SGIP1: variants seen among roughly 807,000 people sequenced by gnomAD.
The protein encoded by SGIP1 is SH3GL interacting endocytic adaptor 1, also known as SH3-containing GRB2-like protein 3-interacting protein 1.
Under a neutral mutation model 107.5 loss-of-function variants are expected in SGIP1, and 38 were observed. The observed-to-expected ratio is 0.35, with a 90% CI of 0.27 to 0.46. SGIP1 has a LOEUF of 0.46. Among genes scored for constraint, SGIP1 ranks in the 20% least tolerant of loss-of-function variants. The probability of loss-of-function intolerance (pLI) is 1.00; values close to 1 mark genes in which losing one functional copy is unlikely to be tolerated. For synonymous variants in SGIP1, 365 were observed against 366.1 expected, an observed-to-expected ratio of 1.00 and a Z score of 0.03; for missense variants, 929 against 1,019.5, an observed-to-expected ratio of 0.91 and a Z score of 1.21.
chr1:66,565,123 T>C (rs2059468701), intron 1 of SGIP1, among the ~76,000 whole-genome samples: 1 of 151,996 alleles, frequency 6.6e-6, no homozygotes, highest in African/African-American at 2.4e-5. Context: ...ATTCCCCCAG[T>C]AAATTTCTAC....
At position 66,679,665 on chromosome 1, in the gene SGIP1, C is replaced by T. The variant is rs1466749040; in HGVS notation, c.740-13C>T. On this transcript the variant is annotated splice_polypyrimidine_tract_variant and intron_variant, in intron 13 of 24. Transcript: ENST00000371037. Reference sequence around the variant, plus strand: ...ACATGACCAATGATACTTAATTTCTCATCTTTTTGCAGCACCTCCACCACT... The same window carrying T: ...ACATGACCAATGATACTTAATTTCTTATCTTTTTGCAGCACCTCCACCACT... The T allele has an allele frequency of 5.0e-6, 8 of 1,601,690 alleles. No individual in the cohort carries two copies. Among genetic ancestry groups the T allele is most frequent in the South Asian group, 2.3e-5 (2 of 88,674 alleles).
intron 1 of SGIP1, among the ~76,000 whole-genome samples, chr1:66,621,162 G>C (rs2070995322): frequency 6.6e-6 from 1 of 152,174 alleles, no homozygotes; most frequent in Admixed American, 6.6e-5. Flanking sequence ...ATACATGAGT[G>C]AGAAAAGCTG....
At chr1:66,554,397 A>G (rs1376960246) in intron 1 of SGIP1, among the ~76,000 whole-genome samples, 1 of 152,156 alleles carries the variant, frequency 6.6e-6, no homozygotes, top group Non-Finnish European at 1.5e-5. Flanking sequence ...GAGTCTGCCT[A>G]TATGTTATCC....
intron 18 of SGIP1, among the ~76,000 whole-genome samples, chr1:66,716,349 A>C (rs2093241872): frequency 6.6e-6 from 1 of 152,184 alleles, no homozygotes. Context: ...TTTTATTCAC[A>C]AGACTATCAT....
intron 2 of SGIP1, among the ~76,000 whole-genome samples, chr1:66,628,930 G>A (rs891918096): frequency 3.9e-5 from 6 of 152,168 alleles, no homozygotes; most frequent in Non-Finnish European, 7.4e-5. Flanking sequence ...GATGGTCAAA[G>A]GACAAGCTGT....
rs1042625880 is a variant in SGIP1, at chr1:66,745,285, A to C, written c.*2190A>C. 6.6e-6 allele frequency: 1 copy of C among 152,160 alleles called. No homozygotes were observed. Among genetic ancestry groups the C allele is most frequent in the South Asian group, 2.1e-4 (1 of 4,826 alleles). 9.4% of individuals were successfully genotyped at this position (152,160 alleles called of 1,614,324 possible). A position where few individuals can be genotyped will look rare whatever the true frequency, so the allele number is the denominator to read the frequency against. ...GGGATTAAATTAGAAACTATGAAGA[A>C]ATCCTATAATCTCTTAACTGGTCTT... On this transcript the variant is annotated 3_prime_UTR_variant, in exon 25 of 25. Transcript: ENST00000371037.
At chr1:66,623,935 C>T (rs2071921111) in intron 1 of SGIP1, among the ~76,000 whole-genome samples, 1 of 152,204 alleles carries the variant, frequency 6.6e-6, no homozygotes, top group Admixed American at 6.5e-5. Flanking sequence ...ATTGTCCAAA[C>T]TTGGTGGTCA....
intron 1 of SGIP1, among the ~76,000 whole-genome samples, chr1:66,574,924 T>C (rs760821776): frequency 1.5e-4 from 23 of 152,216 alleles, no homozygotes; most frequent in Non-Finnish European, 3.2e-4. Flanking sequence ...TATTATTTTC[T>C]TTTATGAAAC....
At chr1:66,681,682 C>T (rs1226350670) in intron 14 of SGIP1, among the ~76,000 whole-genome samples, 187 bp from the exon 15 acceptor site, 1 of 151,206 alleles carries the variant, frequency 6.6e-6, no homozygotes, top group Non-Finnish European at 1.5e-5. Context: ...ATGATGCTCA[C>T]TTTGTGGAGG....
intron 8 of SGIP1, among the ~76,000 whole-genome samples, chr1:66,663,359 A>G (rs1382586360): frequency 1.3e-5 from 2 of 152,162 alleles, no homozygotes; most frequent in Non-Finnish European, 2.9e-5. Context: ...GTATATTGGT[A>G]AACAAAAAAT....
chr1:66,662,433 A>G (rs997788703), intron 8 of SGIP1, among the ~76,000 whole-genome samples: 7 of 152,244 alleles, frequency 4.6e-5, no homozygotes, highest in Non-Finnish European at 7.3e-5. Context: ...AATGATAAAC[A>G]TATTGAAACA....
intron 1 of SGIP1, among the ~76,000 whole-genome samples, chr1:66,550,062 A>G (rs182536323): frequency 1.7e-4 from 26 of 152,250 alleles, no homozygotes; most frequent in Middle Eastern, 3.4e-3. Flanking sequence ...ACTCTGCTCT[A>G]TAAGCACCTG....
At chr1:66,553,910 C>G (rs1488719271) in intron 1 of SGIP1, among the ~76,000 whole-genome samples, 1 of 152,098 alleles carries the variant, frequency 6.6e-6, no homozygotes, top group Non-Finnish European at 1.5e-5. Flanking sequence ...CTTGGGTTGG[C>G]ATCCAAGTTT....
intron 7 of SGIP1, among the ~76,000 whole-genome samples, chr1:66,657,401 T>C (rs148083544): frequency 6.6e-6 from 1 of 152,178 alleles, no homozygotes; most frequent in Non-Finnish European, 1.5e-5. Context: ...GAAACCTTCA[T>C]GTAAGTGACC....
At chr1:66,678,767 G>A (rs975592241) in intron 13 of SGIP1, among the ~76,000 whole-genome samples, 2 of 152,150 alleles carry the variant, frequency 1.3e-5, no homozygotes, top group African/African-American at 4.8e-5. Context: ...TCCTAATTTA[G>A]GCAAGTGGAA....
At chr1:66,700,613 T>TAATTA (rs2091762400) in intron 18 of SGIP1, among the ~76,000 whole-genome samples, 2 of 149,556 alleles carry the variant, frequency 1.3e-5, no homozygotes, top group Non-Finnish European at 3.0e-5. Context: ...TCAATACATG[T>TAATTA]GTACTATGTA....
chr1:66,741,771 A>T (rs72922018), intron 24 of SGIP1, among the ~76,000 whole-genome samples: 2,071 of 146,798 alleles, frequency 0.014, 51 homozygotes, highest in African/African-American at 0.05. Flanking sequence ...ATTTTTATTT[A>T]TTTTTTTTTT....
At position 66,667,513 on chromosome 1, in the gene SGIP1, C is replaced by G; in HGVS notation, c.472-17C>G. 6.2e-7 allele frequency: 1 copy of G among 1,613,150 alleles called. No individual in the cohort carries two copies. ...CTGACTAGGTGTCTGTTCTCTCTTC[C>G]TTTTTGCTGATCACAGAGGCGCAGC... On this transcript the variant is annotated splice_polypyrimidine_tract_variant and intron_variant, in intron 8 of 24. Transcript: ENST00000371037.
chr1:66,620,262 AGTAAACACACTAATTTTTGTTT>A (rs1159863420), intron 1 of SGIP1, among the ~76,000 whole-genome samples: 1 of 152,234 alleles, frequency 6.6e-6, no homozygotes, highest in Non-Finnish European at 1.5e-5. Flanking sequence ...GAAAAACACC[AGTAAACACACTAATTTTTGTTT>A]CAAGTTAAAA....
Sources: gnomAD v4.1 joint callset for allele counts (sites outside exome capture counted in the v4.1 genomes callset) on GRCh38, gnomAD v4.1.1 for gene constraint, MANE v1.5 for transcripts, NCBI Gene and HGNC (gene_info 2026-07-23, HGNC 2026-07-21) for gene names.